The following L3HYPDH variants were observed in gnomAD, a reference collection of about 807,000 sequenced individuals.
The protein encoded by L3HYPDH is trans-3-hydroxy-L-proline dehydratase.
A neutral mutation model predicts 26.5 loss-of-function variants in L3HYPDH; 32 were observed. That is an observed-to-expected ratio of 1.21 (90% CI 0.91 to 1.62). The LOEUF is 1.62. Ranked by LOEUF, L3HYPDH falls within the 40% of genes most tolerant of loss-of-function variation. The pLI is 0.00. For missense variants in L3HYPDH, 554 were observed against 476.4 expected (o/e 1.16, Z -1.52); for synonymous variants, 215 against 196.6 (o/e 1.09, Z -0.78).
At chr14:59,474,273 A>T (rs1305949069) in intron 4 of L3HYPDH, among the ~76,000 whole-genome samples, 2 of 152,190 alleles carry the variant, frequency 1.3e-5, no homozygotes, top group African/African-American at 4.8e-5. Flanking sequence ...ATCTGGGAAC[A>T]TACCAAGGAA....
At chr14:59,483,485 C>T (rs1324434714) in intron 1 of L3HYPDH, 21 of 1,272,528 alleles carry the variant, frequency 1.7e-5, no homozygotes, top group South Asian at 1.9e-5. Context: ...TTGACCCCAC[C>T]GTACCTTGCT....
At chr14:59,469,558 T>TA (rs36113229), downstream of L3HYPDH, among the ~76,000 whole-genome samples, 774 of 43,296 alleles carry the variant, frequency 0.018, 68 homozygotes, top group African/African-American at 0.055. Flanking sequence ...TCCATCTCAT[T>TA]AAAAAAAAAA....
the L3HYPDH span, chr14:59,500,960 A>T: frequency 2.3e-6 from 1 of 438,892 alleles, no homozygotes. Context: ...TCCCACTACA[A>T]CTGCAGAGCT....
chr14:59,490,096 A>T, the L3HYPDH span, among the ~76,000 whole-genome samples: 2 of 151,656 alleles, frequency 1.3e-5, no homozygotes, highest in African/African-American at 4.9e-5. Flanking sequence ...CTAATTTTTT[A>T]TATTTTGTAG....
intron 4 of L3HYPDH, among the ~76,000 whole-genome samples, chr14:59,473,328 A>G (rs1255628716): frequency 6.6e-6 from 1 of 152,202 alleles, no homozygotes; most frequent in East Asian, 1.9e-4. Flanking sequence ...ATGTTAAGAG[A>G]TAACCTCAAT....
At chr14:59,496,095 G>A in the L3HYPDH span, among the ~76,000 whole-genome samples, 98 of 152,220 alleles carry the variant, frequency 6.4e-4, no homozygotes, top group African/African-American at 2.3e-3. Context: ...GTAGAGAGAC[G>A]GGGTTTTGCC....
Position 59,483,979 on chromosome 14 carries a change from C to A in L3HYPDH, c.338G>T (p.Arg113Leu). ...CACAAGCCCGAAGTCCAAAGCGAAG[C>A]GGCCCAGCGCCAGCACTGCGTGGCC... is the stretch of plus-strand genomic sequence containing the variant. ...MCGHAVLALG[R>L]FALDFGLVPA... The change falls in exon 1 of 5, where the codon CGC becomes CTC. Residue 113 changes from arginine (R) to leucine (L), a missense_variant. By Grantham distance (102) the Arg-to-Leu change is moderately radical. Transcript: ENST00000247194. 1 of 1,578,400 alleles carries A rather than the reference C, an allele frequency of 6.3e-7. No individual in the cohort carries two copies. Among genetic ancestry groups the A allele is most frequent in the Non-Finnish European group, 8.6e-7 (1 of 1,167,706 alleles).
Position 59,484,068 on chromosome 14 carries a change from G to C in L3HYPDH, c.249C>G (p.Ser83Arg). The change falls in exon 1 of 5, where the codon AGC becomes AGG. Residue 83 changes from serine (S) to arginine (R), a missense_variant. By Grantham distance (110) the Ser-to-Arg change is moderately radical. Coordinates refer to ENST00000247194, the MANE Select transcript of L3HYPDH (RefSeq NM_144581.2). ...RDMYGAVLVP[S>R]ELPDAHLGVL... ...CGCCCAGATGCGCGTCCGGCAGCTC[G>C]CTCGGGACTAGGACCGCCCCGTACA... The C allele has an allele frequency of 6.2e-7, 1 of 1,607,024 alleles. No individual in the cohort carries two copies. The highest frequency in any genetic ancestry group is 8.5e-7 in the Non-Finnish European group (1 of 1,179,598).
chr14:59,478,638 C>CT (rs1179166194), intron 2 of L3HYPDH: 8 of 152,306 alleles, frequency 5.3e-5, no homozygotes, highest in African/African-American at 1.9e-4. Context: ...AGACACTACT[C>CT]TAAGTCCTTT....
At chr14:59,471,323 AG>A (rs1441338583), downstream of L3HYPDH, among the ~76,000 whole-genome samples, 1 of 152,182 alleles carries the variant, frequency 6.6e-6, no homozygotes, top group Middle Eastern at 3.2e-3. Context: ...TTAGAACTGG[AG>A]GAAGTGTTGT....
chr14:59,502,750 A>ATTTTTTTTTTGTTTTGTTTTGTTTTGT, the L3HYPDH span, among the ~76,000 whole-genome samples: 2 of 4,908 alleles, frequency 4.1e-4, no homozygotes, highest in Non-Finnish European at 7.8e-4. Context: ...ATAAAATGAG[A>ATTTTTTTTTTGTTTTGTTTTGTTTTGT]TTTTTTTTTT....
the L3HYPDH span, chr14:59,495,242 C>G: frequency 6.6e-7 from 1 of 1,510,936 alleles, no homozygotes; most frequent in South Asian, 1.1e-5. Flanking sequence ...TTTATTTCGA[C>G]TTAAGATCAT....
At chr14:59,479,408 T>C (rs1889862108) in intron 1 of L3HYPDH, 57 bp from the exon 2 acceptor site, 1 of 1,450,112 alleles carries the variant, frequency 6.9e-7, no homozygotes, top group African/African-American at 1.4e-5. Flanking sequence ...ATTTTAGCAA[T>C]AAAATTCAAA....
the L3HYPDH span, chr14:59,498,652 C>G: frequency 2.4e-6 from 2 of 830,850 alleles, no homozygotes; most frequent in Non-Finnish European, 1.8e-6. Flanking sequence ...TAGGCTCTTT[C>G]ATTTAAAAAT....
rs1418671900 is a variant in L3HYPDH at position 59,472,751 on chromosome 14, TG to T, written c.*213del. 3 of 387,558 alleles carry T rather than the reference TG, an allele frequency of 7.7e-6. No homozygotes were observed. The East Asian group carries it at 1.2e-4, about 15-fold the overall frequency. 24.0% of individuals were successfully genotyped at this position (387,558 alleles called of 1,614,324 possible). On this transcript the variant is annotated 3_prime_UTR_variant, in exon 5 of 5. Transcript: ENST00000247194. ...TCACTAGAAAAAGACTCTGAATTTCTGGCATTTTGTATGCTAGACATAAGTG... is the reference window on the plus strand; with the variant it reads ...TCACTAGAAAAAGACTCTGAATTTCTGCATTTTGTATGCTAGACATAAGTG...
At chr14:59,477,094 A>G (rs1889682666) in intron 2 of L3HYPDH, among the ~76,000 whole-genome samples, 1 of 152,198 alleles carries the variant, frequency 6.6e-6, no homozygotes, top group Non-Finnish European at 1.5e-5. Context: ...CGGCCTGCAG[A>G]TTGAATCTTT....
intron 1 of L3HYPDH, among the ~76,000 whole-genome samples, chr14:59,465,817 A>G (rs923019815): frequency 2.0e-5 from 3 of 152,204 alleles, no homozygotes; most frequent in Non-Finnish European, 4.4e-5. Context: ...GTAATTCTCA[A>G]ACTTGAGCTA....
chr14:59,479,490 G>GT (rs1336640768), intron 1 of L3HYPDH, 139 bp from the exon 2 acceptor site: 1 of 816,606 alleles, frequency 1.2e-6, no homozygotes, highest in East Asian at 2.7e-5. Context: ...GTAAAAATCC[G>GT]TTTTTTAAAT....
the L3HYPDH span, among the ~76,000 whole-genome samples, chr14:59,502,770 T>G: frequency 2.9e-5 from 1 of 34,582 alleles, no homozygotes; most frequent in Non-Finnish European, 9.4e-5. Flanking sequence ...TTTTTTTTTT[T>G]TTTCGGAGTC....
Sources: allele counts gnomAD v4.1 joint callset (sites outside exome capture counted in the v4.1 genomes callset), GRCh38; gene constraint gnomAD v4.1.1; transcripts MANE v1.5; gene names NCBI Gene and HGNC (gene_info 2026-07-23, HGNC 2026-07-21).